RABGAP1L: variants seen among roughly 807,000 people sequenced by gnomAD.
RABGAP1L encodes the protein RAB GTPase activating protein 1 like.
Under a neutral mutation model 137.7 loss-of-function variants are expected in RABGAP1L, and 63 were observed. The observed-to-expected ratio is 0.46, with a 90% CI of 0.37 to 0.56. The LOEUF (loss-of-function observed/expected upper bound fraction) is 0.56, where lower values mean the gene tolerates loss of function less well. RABGAP1L is among the 20% of genes least tolerant of loss of function. The pLI is 0.00. For synonymous variants in RABGAP1L, 431 were observed against 433.7 expected, an observed-to-expected ratio of 0.99 and a Z score of 0.08; for missense variants, 1,095 against 1,244.0, an observed-to-expected ratio of 0.88 and a Z score of 1.80.
At chr1:174,975,861 G>A (rs1670599984) in intron 21 of RABGAP1L, among the ~76,000 whole-genome samples, 1 of 152,182 alleles carries the variant, frequency 6.6e-6, no homozygotes, top group African/African-American at 2.4e-5. Flanking sequence ...TAAAATTATT[G>A]TTGGTGTGTG....
chr1:174,333,705 A>G (rs1025835202), intron 11 of RABGAP1L, among the ~76,000 whole-genome samples: 2 of 152,160 alleles, frequency 1.3e-5, no homozygotes, highest in African/African-American at 4.8e-5. Context: ...TTCACCACTG[A>G]CTTACTATCA....
chr1:174,403,052 G>C (rs976645926), intron 13 of RABGAP1L, among the ~76,000 whole-genome samples: 1 of 152,054 alleles, frequency 6.6e-6, no homozygotes, highest in Non-Finnish European at 1.5e-5. Flanking sequence ...TGTATGTAAC[G>C]TGTGTACTGT....
intron 17 of RABGAP1L, among the ~76,000 whole-genome samples, chr1:174,713,818 T>C (rs1680779508): frequency 6.6e-6 from 1 of 152,266 alleles, no homozygotes; most frequent in Non-Finnish European, 1.5e-5. Context: ...AAAATAGGTC[T>C]TGAACCTTTA....
chr1:174,161,481 C>G (rs577138361), intron 1 of RABGAP1L, among the ~76,000 whole-genome samples: 117 of 152,164 alleles, frequency 7.7e-4, no homozygotes, highest in Admixed American at 2.6e-3. Context: ...CTCAGGTGAT[C>G]TGCCCGCCTC....
At chr1:174,892,723 G>GTT in intron 19 of RABGAP1L, 1 of 407,920 alleles carries the variant, frequency 2.5e-6, no homozygotes. Context: ...TCATTTCTTT[G>GTT]TTTTCTTTCT....
At chr1:174,165,910 G>A (rs904746037) in intron 1 of RABGAP1L, among the ~76,000 whole-genome samples, 10 of 152,172 alleles carry the variant, frequency 6.6e-5, no homozygotes, top group Non-Finnish European at 1.5e-4. Context: ...AGGCATACAA[G>A]CATAGACAGG....
chr1:174,815,669 C>T (rs1169626386), intron 19 of RABGAP1L, among the ~76,000 whole-genome samples: 2 of 152,090 alleles, frequency 1.3e-5, no homozygotes, highest in Admixed American at 6.6e-5. Flanking sequence ...TGTGAGTGTA[C>T]CAACAAGATT....
At chr1:174,334,295 GT>G (rs1455924274) in intron 11 of RABGAP1L, among the ~76,000 whole-genome samples, 1 of 152,122 alleles carries the variant, frequency 6.6e-6, no homozygotes, top group Non-Finnish European at 1.5e-5. Flanking sequence ...CTGACCCTAT[GT>G]TTTCTGTACT....
At chr1:174,830,259 T>C (rs1322399874) in intron 19 of RABGAP1L, among the ~76,000 whole-genome samples, 2 of 146,474 alleles carry the variant, frequency 1.4e-5, no homozygotes, top group African/African-American at 2.5e-5. Context: ...CATTCATGCA[T>C]GGAAAATTTG....
intron 19 of RABGAP1L, among the ~76,000 whole-genome samples, chr1:174,856,827 T>G (rs1649396203): frequency 6.6e-6 from 1 of 151,610 alleles, no homozygotes; most frequent in South Asian, 2.1e-4. Flanking sequence ...CTCAGGAGGC[T>G]GAAGCAGGAG....
At chr1:174,334,198 A>G (rs1377916120) in intron 11 of RABGAP1L, among the ~76,000 whole-genome samples, 3 of 152,204 alleles carry the variant, frequency 2.0e-5, no homozygotes, top group African/African-American at 7.2e-5. Context: ...CGGATACCCG[A>G]TTCTCCCACA....
At chr1:174,326,279 C>G (rs917690397) in intron 11 of RABGAP1L, among the ~76,000 whole-genome samples, 1 of 152,124 alleles carries the variant, frequency 6.6e-6, no homozygotes, top group Non-Finnish European at 1.5e-5. Flanking sequence ...CAAAATAGTT[C>G]TTTGAGTAAA....
At chr1:174,769,703 G>C (rs1253953608) in intron 18 of RABGAP1L, among the ~76,000 whole-genome samples, 1 of 152,114 alleles carries the variant, frequency 6.6e-6, no homozygotes, top group African/African-American at 2.4e-5. Flanking sequence ...AGATCAAGAA[G>C]TTAGCCGGGC....
Position 174,272,442 on chromosome 1 carries a change from C to T in RABGAP1L, c.1015C>T (p.Arg339Ter), listed in dbSNP as rs781245488. Residue 339 changes from arginine (R) to a stop codon, truncating the protein, a stop_gained, in exon 8 of 26, where the codon CGA becomes TGA. Coordinates refer to ENST00000681986, the MANE Select transcript of RABGAP1L (RefSeq NM_001366446.1). LOFTEE classifies it high-confidence loss of function. ...RCFGMLLSPG[R>*]NVKNSDMHLL... ...TTTTGGAATGTTATTAAGCCCAGGT[C>T]GAAACGTGAAGAACAGTGACATGCA... 1.9e-6 allele frequency: 3 copies of T among 1,601,498 alleles called. No homozygotes were observed. The highest frequency in any genetic ancestry group is 2.6e-6 in the Non-Finnish European group (3 of 1,175,350).
chr1:174,328,003 A>ATATATACG (rs1680683638), intron 11 of RABGAP1L, among the ~76,000 whole-genome samples: 1 of 127,470 alleles, frequency 7.8e-6, no homozygotes, highest in African/African-American at 3.8e-5. Context: ...ATATATATAT[A>ATATATACG]TATATATATA....
rs539906120 is a variant in RABGAP1L, at chr1:174,557,050, C to T, written c.1711-80325C>T. Among the ~76,000 whole-genome samples the T allele has an allele frequency of 2.0e-5, 3 of 152,324 alleles. No homozygotes were observed. The South Asian group carries it at 6.2e-4, about 32-fold the overall frequency. On this transcript the variant is annotated intron_variant, in intron 13 of 25. Transcript: ENST00000681986. ...CACATTTATGACTAGTGCAAAGGGA[C>T]TAACTCGCATTCGCATGCAAATTTC...
chr1:174,815,491 CT>C (rs200111490), intron 19 of RABGAP1L, among the ~76,000 whole-genome samples: 2,246 of 152,218 alleles, frequency 0.015, 34 homozygotes, highest in Non-Finnish European at 0.024. Context: ...ATAGTTGTGT[CT>C]TTTTTGAATG....
intron 19 of RABGAP1L, chr1:174,849,774 G>T: frequency 1.9e-6 from 1 of 520,450 alleles, no homozygotes; most frequent in African/African-American, 1.9e-5. Context: ...AGCAGTTCAT[G>T]TTTCTGGATA....
intron 12 of RABGAP1L, among the ~76,000 whole-genome samples, chr1:174,390,844 A>G (rs998356969): frequency 6.6e-6 from 1 of 152,190 alleles, no homozygotes; most frequent in African/African-American, 2.4e-5. Flanking sequence ...GTTAGGGAGA[A>G]GAAACTGAGT....
Sources: gnomAD v4.1 joint callset for allele counts (sites outside exome capture counted in the v4.1 genomes callset) on GRCh38, gnomAD v4.1.1 for gene constraint, MANE v1.5 for transcripts, NCBI Gene and HGNC (gene_info 2026-07-23, HGNC 2026-07-21) for gene names.